The following SCIN variants were observed in gnomAD, a reference collection of about 807,000 sequenced individuals.
SCIN encodes scinderin.
Under a neutral mutation model 91.8 loss-of-function variants are expected in SCIN, and 91 were observed. The ratio of observed to expected loss-of-function variants is 0.99; its 90% confidence interval spans 0.84 to 1.18. SCIN has a LOEUF of 1.18. Ranked by LOEUF, SCIN falls within the 50% of genes most tolerant of loss-of-function variation. SCIN has a pLI of 0.00. For missense variants in SCIN, 1,087 were observed against 863.9 expected, an observed-to-expected ratio of 1.26 and a Z score of -3.24; for synonymous variants, 367 against 312.6, an observed-to-expected ratio of 1.17 and a Z score of -1.84.
chr7:12,591,035 G>C (rs1001890520), intron 3 of SCIN, among the ~76,000 whole-genome samples: 1 of 152,082 alleles, frequency 6.6e-6, no homozygotes, highest in African/African-American at 2.4e-5. Flanking sequence ...GCAATCTGGG[G>C]GGTAGCTGGT....
intron 3 of SCIN, among the ~76,000 whole-genome samples, chr7:12,598,718 C>A (rs1366836354): frequency 6.6e-6 from 1 of 151,956 alleles, no homozygotes; most frequent in African/African-American, 2.4e-5. Context: ...CATGGTAAAA[C>A]CCCATGTCTA....
chr7:12,600,151 G>C (rs6943698), intron 3 of SCIN, among the ~76,000 whole-genome samples: 86 of 152,234 alleles, frequency 5.6e-4, no homozygotes, highest in African/African-American at 2.0e-3. Context: ...TCAGGTCTTA[G>C]ATTTAGGTCT....
chr7:12,613,077 G>C (rs1403315045), intron 4 of SCIN, among the ~76,000 whole-genome samples: 1 of 152,158 alleles, frequency 6.6e-6, no homozygotes, highest in African/African-American at 2.4e-5. Context: ...GGACAGGGGA[G>C]AGGGATGGAT....
intron 4 of SCIN, among the ~76,000 whole-genome samples, chr7:12,619,363 A>AC (rs1277795481): frequency 6.6e-6 from 1 of 152,166 alleles, no homozygotes; most frequent in Non-Finnish European, 1.5e-5. Flanking sequence ...GGTAAAGTTG[A>AC]CTAAAAGGTA....
At chr7:12,613,040 T>C (rs1383360497) in intron 4 of SCIN, among the ~76,000 whole-genome samples, 1 of 152,122 alleles carries the variant, frequency 6.6e-6, no homozygotes, top group African/African-American at 2.4e-5. Flanking sequence ...GATAATGCAG[T>C]TCCAAGACAG....
intron 10 of SCIN, among the ~76,000 whole-genome samples, chr7:12,636,603 A>G (rs74937072): frequency 0.041 from 6,206 of 152,228 alleles, 142 homozygotes; most frequent in Middle Eastern, 0.075. Context: ...ATCTTAAACT[A>G]GGGAGATTAT....
At chr7:12,613,039 G>T (rs1783229000) in intron 4 of SCIN, among the ~76,000 whole-genome samples, 1 of 152,130 alleles carries the variant, frequency 6.6e-6, no homozygotes, top group Non-Finnish European at 1.5e-5. Flanking sequence ...GGATAATGCA[G>T]TTCCAAGACA....
chr7:12,594,606 C>A (rs1020844461), intron 3 of SCIN, among the ~76,000 whole-genome samples: 1 of 152,014 alleles, frequency 6.6e-6, no homozygotes, highest in Non-Finnish European at 1.5e-5. Flanking sequence ...GAACGGAGGC[C>A]GAGAGCCTTG....
chr7:12,613,421 G>A (rs1380528197), intron 4 of SCIN, among the ~76,000 whole-genome samples: 2 of 152,112 alleles, frequency 1.3e-5, no homozygotes, highest in East Asian at 3.9e-4. Context: ...ATTGTGCTTA[G>A]AGTTAGCCAA....
intron 13 of SCIN, among the ~76,000 whole-genome samples, chr7:12,647,271 G>C (rs1783985394): frequency 6.6e-6 from 1 of 152,140 alleles, no homozygotes; most frequent in African/African-American, 2.4e-5. Context: ...TCATTTTCTT[G>C]TTTGATATTT....
Position 12,644,609 on chromosome 7 carries a change from G to GA in SCIN, c.1791dup (p.Asp598ArgfsTer13). Reference sequence around the variant, plus strand: ...AGGAGTTCTGGAATTCCCTTGGAGGGAAAAAAGACTACCAGACCTCACCAC... The same window carrying GA: ...AGGAGTTCTGGAATTCCCTTGGAGGGAAAAAAAGACTACCAGACCTCACCAC... On this transcript the variant is annotated frameshift_variant, in exon 13 of 16. Transcript: ENST00000297029. LOFTEE classifies it high-confidence loss of function. 2 of 1,610,048 alleles carry GA rather than the reference G, an allele frequency of 1.2e-6. No individual in the cohort carries two copies. Among genetic ancestry groups the GA allele is most frequent in the Admixed American group, 1.7e-5 (1 of 59,550 alleles).
intron 11 of SCIN, among the ~76,000 whole-genome samples, chr7:12,641,770 T>A (rs113002083): frequency 6.6e-6 from 1 of 152,116 alleles, no homozygotes; most frequent in African/African-American, 2.4e-5. Context: ...GCTGAATCCA[T>A]GAACCCGCTG....
intron 3 of SCIN, among the ~76,000 whole-genome samples, chr7:12,600,264 C>T (rs1782931011): frequency 6.6e-6 from 1 of 152,130 alleles, no homozygotes; most frequent in African/African-American, 2.4e-5. Flanking sequence ...GAAAACCAAA[C>T]ATCATATGTT....
intron 8 of SCIN, among the ~76,000 whole-genome samples, chr7:12,627,208 T>C (rs1783544849): frequency 6.6e-6 from 1 of 152,166 alleles, no homozygotes; most frequent in South Asian, 2.1e-4. Flanking sequence ...TTAATGGCTC[T>C]CCACAGCCTT....
rs756985498 is a variant in SCIN, at chr7:12,656,354, A to G, written c.*3639A>G. On this transcript the variant is annotated 3_prime_UTR_variant, in exon 16 of 16. Coordinates refer to ENST00000297029, the MANE Select transcript of SCIN (RefSeq NM_001112706.3). ...GTAGATAATTACTTTGAACTGAAAG[A>G]AAACACTTATTTTATTTTCTTTTAA... The G allele has an allele frequency of 6.6e-6, 1 of 152,220 alleles. No homozygotes were observed. 9.4% of individuals were successfully genotyped at this position (152,220 alleles called of 1,614,324 possible).
chr7:12,584,117 C>T (rs1488501326), intron 3 of SCIN, among the ~76,000 whole-genome samples: 1 of 152,138 alleles, frequency 6.6e-6, no homozygotes, highest in African/African-American at 2.4e-5. Context: ...CCAAAAGTTT[C>T]TGAATGGTGA....
chr7:12,624,012 C>G (rs1783462369), intron 5 of SCIN, among the ~76,000 whole-genome samples: 1 of 152,168 alleles, frequency 6.6e-6, no homozygotes, highest in Non-Finnish European at 1.5e-5. Context: ...AAACTGTTCT[C>G]CCTCCTGGAC....
At position 12,570,995 on chromosome 7, in the gene SCIN, G is replaced by A. The variant is rs1277568900; in HGVS notation, c.199+10G>A. 2.6e-6 allele frequency: 4 copies of A among 1,544,554 alleles called. No individual in the cohort carries two copies. Among genetic ancestry groups the A allele is most frequent in the East Asian group, 2.5e-5 (1 of 40,738 alleles). On this transcript the variant is annotated intron_variant, in intron 1 of 15. Coordinates refer to ENST00000297029, the MANE Select transcript of SCIN (RefSeq NM_001112706.3). The stretch of plus-strand genomic sequence containing the variant: ...CTGCACTTCTGGCTCGGTAAGGGAC[G>A]GCGGGCGGCGGGACCCCGACGCACC...
chr7:12,654,616 A>G lies in SCIN; in HGVS notation c.*1901A>G, dbSNP rs971532275. The stretch of plus-strand genomic sequence containing the variant: ...ATGAGAATAAAATGATTTAATAAGT[A>G]GTACTTTTTCACAAAATTAGTAAAG... On this transcript the variant is annotated 3_prime_UTR_variant, in exon 16 of 16. Transcript: ENST00000297029. The G allele has an allele frequency of 6.6e-6, 1 of 152,206 alleles. No homozygotes were observed. Among genetic ancestry groups the G allele is most frequent in the African/African-American group, 2.4e-5 (1 of 41,462 alleles). 9.4% of individuals were successfully genotyped at this position (152,206 alleles called of 1,614,324 possible). A position where few individuals can be genotyped will look rare whatever the true frequency, so the allele number is the denominator to read the frequency against.
Sources: allele counts gnomAD v4.1 joint callset (sites outside exome capture counted in the v4.1 genomes callset), GRCh38; gene constraint gnomAD v4.1.1; transcripts MANE v1.5; gene names NCBI Gene and HGNC (gene_info 2026-07-23, HGNC 2026-07-21).